PTPRG: variants seen among roughly 807,000 people sequenced by gnomAD.
PTPRG encodes the protein protein tyrosine phosphatase receptor type G, also known as receptor-type tyrosine-protein phosphatase gamma.
Under a neutral mutation model 165.3 loss-of-function variants are expected in PTPRG, and 102 were observed. The ratio of observed to expected loss-of-function variants is 0.62; its 90% confidence interval spans 0.53 to 0.73. PTPRG has a LOEUF of 0.73. Ranked by LOEUF, PTPRG falls within the 30% of genes least tolerant of loss-of-function variation. The probability of loss-of-function intolerance (pLI) is 0.00; values close to 1 mark genes in which losing one functional copy is unlikely to be tolerated. For missense variants in PTPRG, 1,866 were observed against 1,861.4 expected (o/e 1.00, Z -0.05); for synonymous variants, 675 against 669.5 (o/e 1.01, Z -0.13).
intron 1 of PTPRG, among the ~76,000 whole-genome samples, chr3:61,699,742 C>G (rs2030844142): frequency 6.6e-6 from 1 of 152,018 alleles, no homozygotes; most frequent in African/African-American, 2.4e-5. Context: ...TGTGGAGAAA[C>G]AAAAGCCAGG....
At chr3:61,740,221 A>G (rs12497266) in intron 1 of PTPRG, among the ~76,000 whole-genome samples, 19,105 of 152,244 alleles carry the variant, frequency 0.13, 1,714 homozygotes, top group East Asian at 0.48. Context: ...GTAATATTAT[A>G]GAATCAGGAG....
intron 6 of PTPRG, among the ~76,000 whole-genome samples, chr3:62,145,439 G>T (rs1396955141): frequency 6.6e-6 from 1 of 152,180 alleles, no homozygotes; most frequent in Non-Finnish European, 1.5e-5. Context: ...GGAAATGACT[G>T]CAGAGTTCTG....
intron 5 of PTPRG, among the ~76,000 whole-genome samples, chr3:62,105,402 T>G (rs1051922293): frequency 6.6e-6 from 1 of 152,222 alleles, no homozygotes; most frequent in Non-Finnish European, 1.5e-5. Flanking sequence ...AGATTGGTAT[T>G]AATTATGTTG....
chr3:62,213,870 A>C lies in PTPRG; in HGVS notation c.2156-4981A>C, dbSNP rs1700428989. Among the ~76,000 whole-genome samples the C allele has an allele frequency of 6.6e-6, 1 of 152,164 alleles. No homozygotes were observed. The highest frequency in any genetic ancestry group is 1.5e-5 in the Non-Finnish European group (1 of 68,026). On this transcript the variant is annotated intron_variant, in intron 12 of 29. Coordinates refer to ENST00000474889, the MANE Select transcript of PTPRG (RefSeq NM_002841.4). This position sits in a 1 kb window ranked among gnomAD's most constrained non-coding sequence, Gnocchi z 4.4. ...AGGGCCACAAATTGAGTCAGGGAGCAGGACGGGTATTTCTTCTGAAGGACA... is the reference window on the plus strand; with the variant it reads ...AGGGCCACAAATTGAGTCAGGGAGCCGGACGGGTATTTCTTCTGAAGGACA...
At position 61,614,418 on chromosome 3, in the gene PTPRG, CTTTTT is replaced by C. The variant is rs550755163; in HGVS notation, c.85+52059_85+52063del. Among the ~76,000 whole-genome samples, 4 of 117,692 alleles carry C rather than the reference CTTTTT, an allele frequency of 3.4e-5. 1 individual carries two copies. Among genetic ancestry groups the C allele is most frequent in the Non-Finnish European group, 3.3e-5 (2 of 61,044 alleles). 77.2% of individuals were successfully genotyped at this position (117,692 alleles called of 152,430 possible). ...AATAATAATTTGACTTTAATAATAC[CTTTTT>C]TTTTTTTTTTTTGAGACAGGATCTT... On this transcript the variant is annotated intron_variant, in intron 1 of 29. Coordinates refer to ENST00000474889, the MANE Select transcript of PTPRG (RefSeq NM_002841.4).
intron 2 of PTPRG, among the ~76,000 whole-genome samples, chr3:61,783,471 A>T (rs894925366): frequency 1.3e-5 from 2 of 152,256 alleles, no homozygotes; most frequent in Admixed American, 1.3e-4. Context: ...TCACCATGTG[A>T]TAACTACAAT....
At chr3:61,703,635 T>C (rs751525070) in intron 1 of PTPRG, among the ~76,000 whole-genome samples, 7 of 152,166 alleles carry the variant, frequency 4.6e-5, no homozygotes, top group African/African-American at 7.2e-5. Context: ...GTGGGGGGCA[T>C]AGGATTGTAT....
At chr3:61,639,385 A>G (rs973752857) in intron 1 of PTPRG, among the ~76,000 whole-genome samples, 1 of 152,176 alleles carries the variant, frequency 6.6e-6, no homozygotes, top group Non-Finnish European at 1.5e-5. Context: ...TGCTTTGGCT[A>G]TTCGGGATCT....
chr3:61,589,023 A>G (rs963633148), intron 1 of PTPRG, among the ~76,000 whole-genome samples: 34 of 152,202 alleles, frequency 2.2e-4, no homozygotes, highest in African/African-American at 8.2e-4. Flanking sequence ...GGGACCACCC[A>G]GTCTGGCCCA....
At position 62,214,303 on chromosome 3, in the gene PTPRG, A is replaced by C. The variant is rs1700441986; in HGVS notation, c.2156-4548A>C. Among the ~76,000 whole-genome samples the C allele has an allele frequency of 6.6e-6, 1 of 152,204 alleles. No homozygotes were observed. The highest frequency in any genetic ancestry group is 2.1e-4 in the South Asian group (1 of 4,832). On this transcript the variant is annotated intron_variant, in intron 12 of 29. Coordinates refer to ENST00000474889, the MANE Select transcript of PTPRG (RefSeq NM_002841.4). The surrounding 1 kb of genome is among the most constrained non-coding windows in gnomAD (Gnocchi z 5.2). ...GATGATAAGTAATGATGCTGTTGCT[A>C]GGATGGTGGCGGGTGATGGTGTTGC... is the stretch of plus-strand genomic sequence containing the variant.
chr3:62,144,485 A>G (rs1704046331), intron 6 of PTPRG, among the ~76,000 whole-genome samples: 1 of 152,234 alleles, frequency 6.6e-6, no homozygotes, highest in African/African-American at 2.4e-5. Flanking sequence ...TCTATAGCTC[A>G]CTGATAATTT....
intron 1 of PTPRG, among the ~76,000 whole-genome samples, chr3:61,647,925 T>A (rs1260034688): frequency 6.6e-6 from 1 of 152,214 alleles, no homozygotes; most frequent in Non-Finnish European, 1.5e-5. Flanking sequence ...CTGATTGTGA[T>A]TGCGGCCTGT....
chr3:62,211,151 A>G (rs1700348434), intron 12 of PTPRG, among the ~76,000 whole-genome samples: 1 of 152,228 alleles, frequency 6.6e-6, no homozygotes, highest in African/African-American at 2.4e-5. Context: ...CATATAGTAC[A>G]TACAATGAAA....
rs138742793 is a variant in PTPRG at position 62,081,885 on chromosome 3, C to T, written c.615+3627C>T. On this transcript the variant is annotated intron_variant, in intron 5 of 29. Coordinates refer to ENST00000474889, the MANE Select transcript of PTPRG (RefSeq NM_002841.4). ...CATCTTACATTTTAGTATTGAAGAACGGTTTGTCATCTATTCAACATCTAT... is the reference window on the plus strand; with the variant it reads ...CATCTTACATTTTAGTATTGAAGAATGGTTTGTCATCTATTCAACATCTAT... Among the ~76,000 whole-genome samples the T allele has an allele frequency of 1.5e-3, 228 of 152,208 alleles. 3 individuals carry two copies. The highest frequency in any genetic ancestry group is 0.014 in the South Asian group (66 of 4,828).
chr3:61,945,985 A>G (rs1437763959), intron 2 of PTPRG, among the ~76,000 whole-genome samples: 1 of 151,536 alleles, frequency 6.6e-6, no homozygotes, highest in African/African-American at 2.4e-5. Context: ...AACTTTCTTG[A>G]TTGATTGATT....
intron 4 of PTPRG, among the ~76,000 whole-genome samples, chr3:62,021,318 T>G (rs1465818021): frequency 2.6e-5 from 4 of 152,180 alleles, no homozygotes; most frequent in Non-Finnish European, 4.4e-5. Context: ...TGGGATAAAC[T>G]TAGGTTTAAT....
At chr3:62,033,530 T>TCCCCCCCCCCCCCCCCCCC (rs147045221) in intron 4 of PTPRG, among the ~76,000 whole-genome samples, 3 of 134,108 alleles carry the variant, frequency 2.2e-5, no homozygotes, top group African/African-American at 2.8e-5. Flanking sequence ...ATGCCTATCT[T>TCCCCCCCCCCCCCCCCCCC]CCCCCCCCCA....
Position 62,275,916 on chromosome 3 carries a change from C to G in PTPRG, c.3509C>G (p.Ala1170Gly), listed in dbSNP as rs767539324. The change falls in exon 24 of 30, where the codon GCT becomes GGT. Residue 1170 changes from alanine to glycine, a missense_variant. Ala to Gly is a moderately conservative substitution (Grantham distance 60, BLOSUM62 0). Coordinates refer to ENST00000474889, the MANE Select transcript of PTPRG (RefSeq NM_002841.4). Reference sequence around the variant, plus strand: ...GCAAAATATGTGGAATGTTTCAGTGCTCAGAAAGAGTGTAACAAAGAAAAG... The same window carrying G: ...GCAAAATATGTGGAATGTTTCAGTGGTCAGAAAGAGTGTAACAAAGAAAAG... Reference protein sequence around the residue: ...CNAKYVECFSAQKECNKEKNR... With the variant: ...CNAKYVECFSGQKECNKEKNR... 4 of 1,611,902 alleles carry G rather than the reference C, an allele frequency of 2.5e-6. No individual in the cohort carries two copies. In the South Asian group the frequency reaches 3.3e-5, roughly 13 times the overall value.
chr3:61,708,443 CTTTTTTTTTTTTTTTT>C (rs61136954), intron 1 of PTPRG, among the ~76,000 whole-genome samples: 4 of 75,908 alleles, frequency 5.3e-5, no homozygotes, highest in South Asian at 5.3e-4. Context: ...CTCTGCAAAT[CTTTTTTTTTTTTTTTT>C]TTTTTTTTTT....
Sources: allele counts gnomAD v4.1 joint callset (sites outside exome capture counted in the v4.1 genomes callset), GRCh38; gene constraint gnomAD v4.1.1; non-coding constraint Gnocchi (gnomAD v3.1); transcripts MANE v1.5; gene names NCBI Gene and HGNC (gene_info 2026-07-23, HGNC 2026-07-21).